The following ATP1A3 variants were observed in gnomAD, a reference collection of about 807,000 sequenced individuals.
ATP1A3 encodes the protein ATPase Na+/K+ transporting subunit alpha 3.
Under a neutral mutation model 108.8 loss-of-function variants are expected in ATP1A3, and 12 were observed. That is an observed-to-expected ratio of 0.11 (90% confidence interval 0.07 to 0.18). The LOEUF is 0.18. ATP1A3 is among the 10% of genes least tolerant of loss of function. ATP1A3 has a pLI of 1.00. For synonymous variants in ATP1A3, 539 were observed against 564.5 expected (o/e 0.95, Z 0.64); for missense variants, 498 against 1,387.7 (o/e 0.36, Z 10.19).
intron 1 of ATP1A3, among the ~76,000 whole-genome samples, chr19:41,989,946 C>G (rs548368319): frequency 1.3e-5 from 2 of 152,246 alleles, no homozygotes; most frequent in African/African-American, 4.8e-5. Flanking sequence ...GGTTCTTTGT[C>G]TCTCTGCCTT....
rs199926456 is a variant in ATP1A3, at chr19:41,970,324, C to T, written c.2419-16G>A. On this transcript the variant is annotated splice_polypyrimidine_tract_variant and intron_variant, in intron 17 of 22. Coordinates refer to ENST00000648268, the MANE Select transcript of ATP1A3 (RefSeq NM_152296.5). ...TGGCAGGGACCTAGGCGGAGGAGGC[C>T]GGGTGAGCCGGAGAGGGGAGGACTC... 91 of 1,613,928 alleles carry T rather than the reference C, an allele frequency of 5.6e-5. No homozygotes were observed. Among genetic ancestry groups the T allele is most frequent in the Admixed American group, 1.2e-4 (7 of 60,006 alleles).
At chr19:41,969,723 G>A in intron 18 of ATP1A3, 143 bp from the exon 19 acceptor site, 1 of 1,214,732 alleles carries the variant, frequency 8.2e-7, no homozygotes, top group Non-Finnish European at 1.2e-6. Context: ...GTTCCCAGAG[G>A]GTGACCTGAG....
rs1555860772 is a variant in ATP1A3 at position 41,975,609 on chromosome 19, G to GCCGACCCTGGTCTCCAGGC, written c.2263+19_2263+20insGCCTGGAGACCAGGGTCGG. 2.5e-6 allele frequency: 4 copies of GCCGACCCTGGTCTCCAGGC among 1,613,514 alleles called. No homozygotes were observed. Among genetic ancestry groups the GCCGACCCTGGTCTCCAGGC allele is most frequent in the Non-Finnish European group, 3.4e-6 (4 of 1,179,922 alleles). On this transcript the variant is annotated intron_variant, in intron 16 of 22. Transcript: ENST00000648268. ...TCCGGTAGTGACCCTGGTCTCCAGG[G>GCCGACCCTGGTCTCCAGGC]CCACCCCTGGCCAACTCACCCTCCT...
chr19:41,979,902 CTT>C (rs782004124), intron 11 of ATP1A3, among the ~76,000 whole-genome samples: 1 of 152,242 alleles, frequency 6.6e-6, no homozygotes, highest in Non-Finnish European at 1.5e-5. Context: ...TCCTGTCTCT[CTT>C]TGGCTGAGAG....
At chr19:41,969,754 C>G (rs1555859359) in intron 18 of ATP1A3, among the ~76,000 whole-genome samples, 174 bp from the exon 19 acceptor site, 1 of 152,162 alleles carries the variant, frequency 6.6e-6, no homozygotes, top group East Asian at 1.9e-4. Context: ...GTGGTGAGGC[C>G]CTGAGATGGG....
In ATP1A3 at chr19:41,985,596, G is replaced by A. The variant is rs2075279580; in HGVS notation, c.607-173C>T. ...CAGAGGCTGGGATCTTGAAGGTGGG[G>A]AAGGCACAGTGCTGCTGGCCAAGGT... On this transcript the variant is annotated intron_variant, in intron 6 of 22. Coordinates refer to ENST00000648268, the MANE Select transcript of ATP1A3 (RefSeq NM_152296.5). The surrounding 1 kb of genome is among the most constrained non-coding windows in gnomAD (Gnocchi z 8.2). Among the ~76,000 whole-genome samples, 1 of 152,136 alleles carries A rather than the reference G, an allele frequency of 6.6e-6. No individual in the cohort carries two copies. Among genetic ancestry groups the A allele is most frequent in the Non-Finnish European group, 1.5e-5 (1 of 68,016 alleles).
chr19:41,973,131 G>T (rs2075131427), intron 16 of ATP1A3, among the ~76,000 whole-genome samples: 1 of 152,218 alleles, frequency 6.6e-6, no homozygotes, highest in South Asian at 2.1e-4. Context: ...TGTTCCAGGT[G>T]GTGGGGAAGA....
chr19:41,978,096 T>C lies in ATP1A3; in HGVS notation c.1807-24A>G. On this transcript the variant is annotated intron_variant, in intron 13 of 22. Coordinates refer to ENST00000648268, the MANE Select transcript of ATP1A3 (RefSeq NM_152296.5). This position sits in a 1 kb window ranked among gnomAD's most constrained non-coding sequence, Gnocchi z 8.3. ...ACCTGCAGGCATTGTTTTTTAGGGA[T>C]GGCCTCTCCCGCCCCACGCCTGGCT... 6.2e-7 allele frequency: 1 copy of C among 1,614,194 alleles called. No individual in the cohort carries two copies. The highest frequency in any genetic ancestry group is 1.1e-5 in the South Asian group (1 of 91,086).
At chr19:41,973,792 A>T (rs2075137741) in intron 16 of ATP1A3, among the ~76,000 whole-genome samples, 1 of 152,216 alleles carries the variant, frequency 6.6e-6, no homozygotes, top group East Asian at 1.9e-4. Flanking sequence ...ATGATGCACA[A>T]GATTCGGAAG....
In ATP1A3 at chr19:41,981,936, G is replaced by C; in HGVS notation, c.1164C>G (p.His388Gln). 6.2e-6 allele frequency: 10 copies of C among 1,614,232 alleles called. No homozygotes were observed. The highest frequency in any genetic ancestry group is 8.5e-6 in the Non-Finnish European group (10 of 1,180,046). Residue 388 changes from histidine (H) to glutamine (Q), a missense_variant, in exon 9 of 23, where the codon CAC (histidine) becomes CAG (glutamine). This residue lies in a region of ATP1A3 where 36 missense variants were observed against 58.7 expected (regional missense o/e 0.61). Coordinates refer to ENST00000648268, the MANE Select transcript of ATP1A3 (RefSeq NM_152296.5). This position sits in a 1 kb window ranked among gnomAD's most constrained non-coding sequence, Gnocchi z 5.0. ...VAHMWFDNQIHEADTTEDQSG... is the reference protein window; with the variant it reads ...VAHMWFDNQIQEADTTEDQSG... ...ACTGGTCCTCAGTGGTGTCAGCCTC[G>C]TGGATCTGGTTGTCAAACCACATGT...
intron 4 of ATP1A3, 128 bp downstream of exon 4, chr19:41,987,808 T>G: frequency 8.1e-7 from 1 of 1,240,018 alleles, no homozygotes; most frequent in Non-Finnish European, 1.2e-6. Flanking sequence ...TGCTGGGTGA[T>G]TGTGAGTTAG....
rs367661602 is a variant in ATP1A3, at chr19:41,988,268, C to T, written c.153+50G>A. ...CCTCAGACCCAGGGGTCCTAGCCCCCAGCTCCTCCTCCCTAGTTCCCAGGG... is the reference window on the plus strand; with the variant it reads ...CCTCAGACCCAGGGGTCCTAGCCCCTAGCTCCTCCTCCCTAGTTCCCAGGG... On this transcript the variant is annotated intron_variant, in intron 3 of 22. Transcript: ENST00000648268. The surrounding 1 kb of genome is among the most constrained non-coding windows in gnomAD (Gnocchi z 5.3). 4 of 1,613,632 alleles carry T rather than the reference C, an allele frequency of 2.5e-6. No homozygotes were observed. The African/African-American group carries it at 5.3e-5, about 22-fold the overall frequency.
chr19:41,986,889 T>G (rs1349734662), intron 4 of ATP1A3, among the ~76,000 whole-genome samples: 2 of 151,982 alleles, frequency 1.3e-5, no homozygotes. Context: ...ACTACAGGTG[T>G]GCGCCACCAG....
At chr19:41,976,692 G>A in intron 14 of ATP1A3, 126 bp from the exon 15 acceptor site, 1 of 1,369,168 alleles carries the variant, frequency 7.3e-7, no homozygotes, top group Non-Finnish European at 1.0e-6. Flanking sequence ...CCAGGGGCTG[G>A]GGGAAGAGGC....
chr19:41,992,468 T>G (rs1209149756), intron 1 of ATP1A3, among the ~76,000 whole-genome samples: 1 of 152,098 alleles, frequency 6.6e-6, no homozygotes, highest in Non-Finnish European at 1.5e-5. Flanking sequence ...CCGCAGCCTC[T>G]GCGCCTGGGC....
In ATP1A3 at chr19:41,985,819, G is replaced by A. The variant is rs781982530; in HGVS notation, c.606+45C>T. 6.2e-7 allele frequency: 1 copy of A among 1,609,462 alleles called. No homozygotes were observed. The highest frequency in any genetic ancestry group is 1.1e-5 in the South Asian group (1 of 91,002). ...AGGAGGGGCTGGGCCTGAGCTCCTG[G>A]GCAGCCCGAGGGAGGGTAAAGCCGG... On this transcript the variant is annotated intron_variant, in intron 6 of 22. Transcript: ENST00000648268. This position sits in a 1 kb window ranked among gnomAD's most constrained non-coding sequence, Gnocchi z 8.2.
intron 1 of ATP1A3, among the ~76,000 whole-genome samples, chr19:41,992,726 T>A (rs1442934683): frequency 5.9e-5 from 9 of 151,804 alleles, no homozygotes; most frequent in African/African-American, 2.2e-4. Context: ...TATGTCCATG[T>A]CTCTTTCTCT....
intron 4 of ATP1A3, chr19:41,986,503 C>G (rs1475422697): frequency 2.7e-6 from 1 of 367,692 alleles, no homozygotes; most frequent in Non-Finnish European, 5.3e-6. Context: ...AGTGCAATGG[C>G]ATGATCTTGG....
chr19:41,992,043 G>A (rs2075344720), intron 1 of ATP1A3, among the ~76,000 whole-genome samples: 1 of 144,550 alleles, frequency 6.9e-6, no homozygotes, highest in Non-Finnish European at 1.5e-5. Context: ...ATCTGAGGGA[G>A]GAGGGGCTGG....
Sources: allele counts gnomAD v4.1 joint callset (sites outside exome capture counted in the v4.1 genomes callset), GRCh38; gene constraint gnomAD v4.1.1; regional missense constraint gnomAD v4.1.1; non-coding constraint Gnocchi (gnomAD v3.1); transcripts MANE v1.5; gene names NCBI Gene and HGNC (gene_info 2026-07-23, HGNC 2026-07-21).